The following PARD3B variants were observed in gnomAD, a reference collection of about 807,000 sequenced individuals.
The protein encoded by PARD3B is partitioning defective 3 homolog B.
A neutral mutation model predicts 130.2 loss-of-function variants in PARD3B; 103 were observed. That is an observed-to-expected ratio of 0.79 (90% CI 0.67 to 0.93). PARD3B has a LOEUF of 0.93. Ranked by LOEUF, PARD3B falls within the 40% of genes least tolerant of loss-of-function variation. PARD3B has a pLI of 0.00. For missense variants in PARD3B, 1,609 were observed against 1,499.2 expected (o/e 1.07, Z -1.21); for synonymous variants, 583 against 553.2 (o/e 1.05, Z -0.76).
At chr2:204,888,049 G>C (rs2125683150) in intron 2 of PARD3B, among the ~76,000 whole-genome samples, 1 of 152,264 alleles carries the variant, frequency 6.6e-6, no homozygotes, top group South Asian at 2.1e-4. Flanking sequence ...GAGGTGAGCA[G>C]CAGGAGAATA....
chr2:204,683,694 G>T (rs78370451), intron 1 of PARD3B, among the ~76,000 whole-genome samples: 6,905 of 152,156 alleles, frequency 0.045, 221 homozygotes, highest in Non-Finnish European at 0.065. Context: ...TTTGTTCAGG[G>T]TTAGGTGTAG....
intron 2 of PARD3B, among the ~76,000 whole-genome samples, chr2:204,719,713 T>C (rs2038905367): frequency 6.6e-6 from 1 of 152,222 alleles, no homozygotes; most frequent in Non-Finnish European, 1.5e-5. Context: ...ACTGATTTAA[T>C]TGTCTTTTTT....
At chr2:205,494,352 C>G (rs2049847692) in intron 20 of PARD3B, among the ~76,000 whole-genome samples, 1 of 152,170 alleles carries the variant, frequency 6.6e-6, no homozygotes, top group African/African-American at 2.4e-5. Context: ...CCACCTCCCT[C>G]TCATTCAGTT....
chr2:204,916,153 T>A (rs1575295882), intron 2 of PARD3B, among the ~76,000 whole-genome samples: 1 of 152,360 alleles, frequency 6.6e-6, no homozygotes, highest in East Asian at 1.9e-4. Flanking sequence ...GCTGTTTATT[T>A]TCCAAGATAA....
intron 16 of PARD3B, among the ~76,000 whole-genome samples, chr2:205,252,478 G>GA (rs2039891279): frequency 6.6e-6 from 1 of 152,232 alleles, no homozygotes; most frequent in East Asian, 1.9e-4. Flanking sequence ...TGGAATTGGG[G>GA]ATGGCTGTCA....
intron 22 of PARD3B, among the ~76,000 whole-genome samples, chr2:205,570,816 A>G (rs2053535149): frequency 6.6e-6 from 1 of 152,216 alleles, no homozygotes; most frequent in African/African-American, 2.4e-5. Context: ...TCCTGTTCTC[A>G]TCCGCAGAAA....
intron 15 of PARD3B, among the ~76,000 whole-genome samples, chr2:205,199,025 G>T (rs1293667714): frequency 2.6e-5 from 4 of 152,040 alleles, no homozygotes; most frequent in Non-Finnish European, 5.9e-5. Flanking sequence ...AATATTGTAA[G>T]AAAGTGTCTA....
intron 3 of PARD3B, among the ~76,000 whole-genome samples, chr2:204,994,537 T>C (rs1407517029): frequency 1.0e-4 from 15 of 143,004 alleles, no homozygotes; most frequent in Admixed American, 3.6e-4. Context: ...GGTGTGGTGC[T>C]GAAAAAAATG....
chr2:204,765,986 AT>A (rs1268660988), intron 2 of PARD3B, among the ~76,000 whole-genome samples: 1 of 152,212 alleles, frequency 6.6e-6, no homozygotes, highest in Non-Finnish European at 1.5e-5. Flanking sequence ...TACTTGGCAT[AT>A]TTTGAAAGCA....
rs777727815 is a variant in PARD3B, at chr2:205,499,975, C to G, written c.3124C>G (p.Pro1042Ala). The stretch of plus-strand genomic sequence containing the variant: ...TTATCAGGCTCGGAGGGAAGGTTTC[C>G]CTTTATATGAAGACGACGAAGGAAG... Reference protein sequence around the residue: ...EYYQARREGFPLYEDDEGRAR... With the variant: ...EYYQARREGFALYEDDEGRAR... Residue 1042 changes from proline to alanine, a missense_variant, in exon 21 of 23, where the codon CCT becomes GCT. Pro to Ala is a conservative substitution (Grantham distance 27). Coordinates refer to ENST00000406610, the MANE Select transcript of PARD3B (RefSeq NM_001302769.2). The G allele has an allele frequency of 4.3e-6, 7 of 1,613,854 alleles. No individual in the cohort carries two copies. The highest frequency in any genetic ancestry group is 5.9e-6 in the Non-Finnish European group (7 of 1,179,816).
intron 2 of PARD3B, among the ~76,000 whole-genome samples, chr2:204,808,323 A>ATTTGT (rs1028618694): frequency 2.0e-5 from 3 of 151,784 alleles, no homozygotes; most frequent in African/African-American, 7.2e-5. Context: ...TGTACTTCTC[A>ATTTGT]TTTGTTTTGT....
intron 22 of PARD3B, among the ~76,000 whole-genome samples, chr2:205,582,049 G>A (rs1045435583): frequency 5.9e-5 from 9 of 152,158 alleles, no homozygotes; most frequent in African/African-American, 2.2e-4. Context: ...CATGCAATCA[G>A]TCCTCAATCT....
chr2:204,928,412 G>A (rs1323392855), intron 2 of PARD3B, among the ~76,000 whole-genome samples: 4 of 152,146 alleles, frequency 2.6e-5, no homozygotes, highest in Non-Finnish European at 2.9e-5. Context: ...GATGAAAGGA[G>A]TTTCAAAATT....
chr2:205,536,293 C>T (rs2051854468), intron 21 of PARD3B, among the ~76,000 whole-genome samples: 1 of 152,144 alleles, frequency 6.6e-6, no homozygotes, highest in African/African-American at 2.4e-5. Context: ...ACTTTTGAAC[C>T]ACCTGCTCCT....
chr2:205,281,646 A>G lies in PARD3B; in HGVS notation c.2186-18884A>G, dbSNP rs181381693. 6.6e-6 allele frequency among the ~76,000 whole-genome samples: 1 copy of G among 152,328 alleles called. No homozygotes were observed. Among genetic ancestry groups the G allele is most frequent in the East Asian group, 1.9e-4 (1 of 5,184 alleles). The stretch of plus-strand genomic sequence containing the variant: ...TATAGTAAAAACTTTCCAGAATGTC[A>G]GTACTTTACTTTTCTAAGACACTAT... On this transcript the variant is annotated intron_variant, in intron 16 of 22. Coordinates refer to ENST00000406610, the MANE Select transcript of PARD3B (RefSeq NM_001302769.2). The surrounding 1 kb of genome is among the most constrained non-coding windows in gnomAD (Gnocchi z 4.2).
At chr2:204,588,278 C>T (rs1414229598) in intron 1 of PARD3B, among the ~76,000 whole-genome samples, 2 of 152,102 alleles carry the variant, frequency 1.3e-5, no homozygotes, top group African/African-American at 4.8e-5. Flanking sequence ...GTTATAGGAA[C>T]CTATTTATTG....
At chr2:205,234,851 A>G (rs944471322) in intron 15 of PARD3B, among the ~76,000 whole-genome samples, 1 of 152,244 alleles carries the variant, frequency 6.6e-6, no homozygotes, top group Non-Finnish European at 1.5e-5. Context: ...CTGTCAGCAT[A>G]GTAAAATTAA....
chr2:205,547,708 C>A (rs1352927682), intron 21 of PARD3B, among the ~76,000 whole-genome samples: 1 of 152,190 alleles, frequency 6.6e-6, no homozygotes, highest in African/African-American at 2.4e-5. Flanking sequence ...TTTCACTCCC[C>A]AAACTAGCAA....
rs1278362013 is a variant in PARD3B, at chr2:205,185,768, A to G, written c.1929A>G (p.Leu643=). 1.2e-6 allele frequency: 2 copies of G among 1,613,296 alleles called. No homozygotes were observed. The highest frequency in any genetic ancestry group is 1.7e-6 in the Non-Finnish European group (2 of 1,179,274). The part of the protein sequence containing the change: ...TCSPQDKQKG[L]LLPNDGWAES... ...TCATTTGTTCTTTGTTTATAGGTCT[A>G]TTGCTGCCCAATGACGGATGGGCCG... Residue 643 remains leucine (L), a synonymous_variant, in exon 14 of 23, where the codon CTA becomes CTG. Transcript: ENST00000406610.
Sources: gnomAD v4.1 joint callset for allele counts (sites outside exome capture counted in the v4.1 genomes callset) on GRCh38, gnomAD v4.1.1 for gene constraint, Gnocchi (gnomAD v3.1) non-coding constraint, MANE v1.5 for transcripts, NCBI Gene and HGNC (gene_info 2026-07-23, HGNC 2026-07-21) for gene names.